The following CCDC62 variants were observed in gnomAD, a reference collection of about 807,000 sequenced individuals.
CCDC62 encodes coiled-coil domain containing 62.
Under a neutral mutation model 80.8 loss-of-function variants are expected in CCDC62, and 72 were observed. The observed-to-expected ratio is 0.89, with a 90% CI of 0.74 to 1.08. CCDC62 has a LOEUF of 1.08. Ranked by LOEUF, CCDC62 falls within the 50% of genes least tolerant of loss-of-function variation. The probability of loss-of-function intolerance (pLI) is 0.00; values close to 1 mark genes in which losing one functional copy is unlikely to be tolerated. For missense variants in CCDC62, 704 were observed against 809.4 expected, an observed-to-expected ratio of 0.87 and a Z score of 1.58; for synonymous variants, 286 against 296.5, an observed-to-expected ratio of 0.96 and a Z score of 0.36.
Position 122,818,321 on chromosome 12 carries a change from C to T in CCDC62, c.2001+4902C>T, listed in dbSNP as rs1025458897. Among the ~76,000 whole-genome samples, 7 of 152,056 alleles carry T rather than the reference C, an allele frequency of 4.6e-5. No individual in the cohort carries two copies. The East Asian group carries it at 5.8e-4, about 13-fold the overall frequency. On this transcript the variant is annotated intron_variant, in intron 11 of 12. Transcript: ENST00000253079. ...CAAAAAAATTAGCTGGGCGTGGTGG[C>T]GGGCGCCTGTAGTCCCGGCTACTTG...
At chr12:122,781,840 C>T (rs996735204) in intron 3 of CCDC62, among the ~76,000 whole-genome samples, 5 of 151,774 alleles carry the variant, frequency 3.3e-5, no homozygotes, top group Non-Finnish European at 7.4e-5. Flanking sequence ...GAATTCACGA[C>T]CAGGCTTGGC....
Position 122,788,841 on chromosome 12 carries a change from C to T in CCDC62, c.582C>T (p.Ala194=). 6 of 1,611,406 alleles carry T rather than the reference C, an allele frequency of 3.7e-6. No homozygotes were observed. The highest frequency in any genetic ancestry group is 5.1e-6 in the Non-Finnish European group (6 of 1,179,188). ...TGCTAGAGCATGCCCTACGTGATGC[C>T]AAGATGGCGGAGACTTGTATTGTGA... is the stretch of plus-strand genomic sequence containing the variant. The part of the protein sequence containing the change: ...FKMLEHALRD[A]KMAETCIVKE... Residue 194 remains alanine (A), a synonymous_variant, in exon 5 of 13, where the codon GCC becomes GCT. Transcript: ENST00000253079.
At chr12:122,811,234 G>A (rs1287585630) in intron 10 of CCDC62, among the ~76,000 whole-genome samples, 2 of 93,762 alleles carry the variant, frequency 2.1e-5, no homozygotes. Flanking sequence ...TTTTTCAGAC[G>A]GAGTTTCACT....
At chr12:122,825,416 A>C (rs1188326004) in intron 12 of CCDC62, among the ~76,000 whole-genome samples, 1 of 141,560 alleles carries the variant, frequency 7.1e-6, no homozygotes, top group Non-Finnish European at 1.5e-5. Flanking sequence ...GTGCGATCTC[A>C]GCTCACTGCA....
chr12:122,805,169 G>A (rs1344365084), intron 9 of CCDC62, among the ~76,000 whole-genome samples: 1 of 137,972 alleles, frequency 7.2e-6, no homozygotes, highest in Non-Finnish European at 1.5e-5. Context: ...ACAGGCATGA[G>A]TCACCGCAAC....
intron 1 of CCDC62, chr12:122,776,747 C>G (rs1879479111): frequency 6.6e-6 from 1 of 152,076 alleles, no homozygotes; most frequent in Non-Finnish European, 1.5e-5. Flanking sequence ...GACTAAAATT[C>G]CCATTGTTTA....
At chr12:122,776,339 T>G (rs1593773468) in intron 1 of CCDC62, among the ~76,000 whole-genome samples, 1 of 152,240 alleles carries the variant, frequency 6.6e-6, no homozygotes, top group African/African-American at 2.4e-5. Flanking sequence ...TGCTGTATAC[T>G]TCAAAGAAAT....
intron 8 of CCDC62, 25 bp downstream of exon 8, chr12:122,798,225 TA>T: frequency 9.4e-7 from 1 of 1,062,188 alleles, no homozygotes; most frequent in Non-Finnish European, 1.5e-6. Context: ...ATGCAATTAA[TA>T]TGATCTTGTA....
At chr12:122,786,206 G>C (rs1465501639) in intron 4 of CCDC62, among the ~76,000 whole-genome samples, 14 of 152,128 alleles carry the variant, frequency 9.2e-5, no homozygotes, top group Non-Finnish European at 2.1e-4. Context: ...GGAGTGCAGT[G>C]GCTCCGTCTC....
rs527627545 is a variant in CCDC62 at position 122,785,233 on chromosome 12, T to A, written c.397-486T>A. ...TCCGACATAGCACTATGTGTTTTTTTAAATAATTGTTGAGTAGGAATACCC... is the reference window on the plus strand; with the variant it reads ...TCCGACATAGCACTATGTGTTTTTTAAAATAATTGTTGAGTAGGAATACCC... On this transcript the variant is annotated intron_variant, in intron 3 of 12. Transcript: ENST00000253079. Among the ~76,000 whole-genome samples the A allele has an allele frequency of 9.2e-5, 14 of 152,348 alleles. No homozygotes were observed. In the South Asian group the frequency reaches 1.7e-3, roughly 18 times the overall value.
At chr12:122,797,048 T>G (rs1443160819) in intron 6 of CCDC62, among the ~76,000 whole-genome samples, 1 of 151,914 alleles carries the variant, frequency 6.6e-6, no homozygotes, top group Non-Finnish European at 1.5e-5. Flanking sequence ...CCGGCTAAAT[T>G]TGTATTTTTA....
intron 10 of CCDC62, among the ~76,000 whole-genome samples, chr12:122,806,557 C>T (rs2135569218): frequency 6.6e-6 from 1 of 152,176 alleles, no homozygotes; most frequent in Admixed American, 6.6e-5. Flanking sequence ...TGGCTCACTG[C>T]AGCCTCAACC....
At position 122,774,657 on chromosome 12, in the gene CCDC62, C is replaced by A. The variant is rs1279315383; in HGVS notation, c.-14C>A. 1 of 1,249,562 alleles carries A rather than the reference C, an allele frequency of 8.0e-7. No homozygotes were observed. The highest frequency in any genetic ancestry group is 3.9e-5 in the South Asian group (1 of 25,390). The allele number at this position is 1,249,562 out of a possible 1,614,324, so 77.4% of individuals were successfully genotyped here. On this transcript the variant is annotated 5_prime_UTR_variant, in exon 1 of 13. Coordinates refer to ENST00000253079, the MANE Select transcript of CCDC62 (RefSeq NM_201435.5). Reference sequence around the variant, plus strand: ...CGCCCACACCGGGCTTCTCCGGGGGCGGAGGAAACACCTATGAACCCTCCG... The same window carrying A: ...CGCCCACACCGGGCTTCTCCGGGGGAGGAGGAAACACCTATGAACCCTCCG...
chr12:122,796,802 AT>A (rs1716051156), intron 6 of CCDC62, among the ~76,000 whole-genome samples: 1 of 151,878 alleles, frequency 6.6e-6, no homozygotes, highest in African/African-American at 2.4e-5. Context: ...AAGTATAGAG[AT>A]TTGGAAATCA....
At chr12:122,806,050 A>G (rs1232034384) in intron 9 of CCDC62, 101 bp from the exon 10 acceptor site, 1 of 1,106,960 alleles carries the variant, frequency 9.0e-7, no homozygotes, top group Non-Finnish European at 1.3e-6. Flanking sequence ...TCAATAACAA[A>G]AACACTTATT....
At chr12:122,819,118 T>A (rs529895558) in intron 11 of CCDC62, among the ~76,000 whole-genome samples, 1 of 152,276 alleles carries the variant, frequency 6.6e-6, no homozygotes, top group East Asian at 1.9e-4. Flanking sequence ...ATTAACTGAT[T>A]CTAGAGATAT....
At chr12:122,808,288 T>G (rs1038254866) in intron 10 of CCDC62, among the ~76,000 whole-genome samples, 7 of 152,018 alleles carry the variant, frequency 4.6e-5, no homozygotes, top group African/African-American at 1.7e-4. Flanking sequence ...CAGAGCGAGA[T>G]TCAATCTCAA....
intron 9 of CCDC62, among the ~76,000 whole-genome samples, chr12:122,803,079 G>A (rs1464104935): frequency 6.6e-6 from 1 of 151,604 alleles, no homozygotes; most frequent in African/African-American, 2.4e-5. Context: ...GAGGTGACAC[G>A]ATATTGCCCA....
chr12:122,784,661 T>C (rs2030099238), intron 3 of CCDC62, among the ~76,000 whole-genome samples: 1 of 151,978 alleles, frequency 6.6e-6, no homozygotes, highest in Non-Finnish European at 1.5e-5. Flanking sequence ...CGAGACCCTC[T>C]CTACAAAAAA....
Sources: allele counts gnomAD v4.1 joint callset (sites outside exome capture counted in the v4.1 genomes callset), GRCh38; gene constraint gnomAD v4.1.1; transcripts MANE v1.5; gene names NCBI Gene and HGNC (gene_info 2026-07-23, HGNC 2026-07-21).